CRABP1: variants seen among roughly 807,000 people sequenced by gnomAD.
CRABP1 encodes cellular retinoic acid binding protein 1, also known as cellular retinoic acid-binding protein 1.
CRABP1 carries 9 observed loss-of-function variants against 16.4 expected under a neutral mutation model. The observed-to-expected ratio is 0.55, with a 90% CI of 0.33 to 0.96. The LOEUF is 0.96. Among genes scored for constraint, CRABP1 ranks in the 40% least tolerant of loss-of-function variants. The pLI is 0.03. For missense variants in CRABP1, 157 were observed against 186.0 expected (o/e 0.84, Z 0.91); for synonymous variants, 72 against 70.4 (o/e 1.02, Z -0.11).
At chr15:78,347,542 C>T (rs555701207) in intron 3 of CRABP1, among the ~76,000 whole-genome samples, 2 of 152,264 alleles carry the variant, frequency 1.3e-5, no homozygotes, top group East Asian at 3.9e-4. Context: ...CCTCATGACC[C>T]CAGCTGCCTG....
At position 78,341,345 on chromosome 15, in the gene CRABP1, A is replaced by C; in HGVS notation, c.249+124A>C. 4.5e-6 allele frequency: 5 copies of C among 1,122,098 alleles called. No homozygotes were observed. The highest frequency in any genetic ancestry group is 5.3e-6 in the Non-Finnish European group (4 of 759,192). The allele number at this position is 1,122,098 out of a possible 1,614,324, so 69.5% of individuals were successfully genotyped here. On this transcript the variant is annotated intron_variant, in intron 2 of 3. Coordinates refer to ENST00000299529, the MANE Select transcript of CRABP1 (RefSeq NM_004378.3). This position sits in a 1 kb window ranked among gnomAD's most constrained non-coding sequence, Gnocchi z 5.3. ...CGCGCCTTCCTTGCAGGGTGTGTACACTGGCTGTTTGCAGAGGGGGTTTGT... is the reference window on the plus strand; with the variant it reads ...CGCGCCTTCCTTGCAGGGTGTGTACCCTGGCTGTTTGCAGAGGGGGTTTGT...
chr15:78,341,235 G>A lies in CRABP1; in HGVS notation c.249+14G>A. 4 of 1,601,644 alleles carry A rather than the reference G, an allele frequency of 2.5e-6. No homozygotes were observed. The highest frequency in any genetic ancestry group is 3.4e-6 in the Non-Finnish European group (4 of 1,174,412). On this transcript the variant is annotated intron_variant, in intron 2 of 3. Transcript: ENST00000299529. The surrounding 1 kb of genome is among the most constrained non-coding windows in gnomAD (Gnocchi z 5.3). ...CGCAAGTGCAGGGTGAGGCCCCAGA[G>A]CCACTACAGCGTCCCCGTGTCCCCG... is the stretch of plus-strand genomic sequence containing the variant.
chr15:78,341,155 C>G lies in CRABP1; in HGVS notation c.183C>G (p.Thr61=), dbSNP rs746032934. 2 of 1,612,952 alleles carry G rather than the reference C, an allele frequency of 1.2e-6. No homozygotes were observed. The highest frequency in any genetic ancestry group is 1.1e-5 in the South Asian group (1 of 90,746). The change falls in exon 2 of 4, where the codon ACC becomes ACG. Residue 61 remains threonine, a synonymous_variant. Transcript: ENST00000299529. This position sits in a 1 kb window ranked among gnomAD's most constrained non-coding sequence, Gnocchi z 5.3. ...FYIKTSTTVR[T]TEINFKVGEG... is the part of the protein sequence containing the mutation. The stretch of plus-strand genomic sequence containing the variant: ...TCAAGACATCCACCACGGTGCGCAC[C>G]ACTGAGATCAACTTCAAGGTCGGAG...
Position 78,341,390 on chromosome 15 carries a change from C to T in CRABP1, c.249+169C>T, listed in dbSNP as rs1002578735. Reference sequence around the variant, plus strand: ...GTTTGTGCATCCTAGTTGCCCCTGGCTCAAGACAAAGTATTACCTTCATTC... The same window carrying T: ...GTTTGTGCATCCTAGTTGCCCCTGGTTCAAGACAAAGTATTACCTTCATTC... On this transcript the variant is annotated intron_variant, in intron 2 of 3. Coordinates refer to ENST00000299529, the MANE Select transcript of CRABP1 (RefSeq NM_004378.3). This position sits in a 1 kb window ranked among gnomAD's most constrained non-coding sequence, Gnocchi z 5.3. The T allele has an allele frequency of 2.0e-5, 15 of 741,590 alleles. No individual in the cohort carries two copies. In the African/African-American group the frequency reaches 2.3e-4, roughly 11 times the overall value. 45.9% of individuals were successfully genotyped at this position (741,590 alleles called of 1,614,324 possible).
Position 78,343,590 on chromosome 15 carries a change from T to C in CRABP1, c.341T>C (p.Leu114Pro). 6.2e-7 allele frequency: 1 copy of C among 1,614,164 alleles called. No individual in the cohort carries two copies. Among genetic ancestry groups the C allele is most frequent in the Non-Finnish European group, 8.5e-7 (1 of 1,180,012 alleles). Residue 114 changes from leucine (L) to proline (P), a missense_variant, in exon 3 of 4, where the codon CTG becomes CCG. By Grantham distance (98) the Leu-to-Pro change is moderately conservative. Coordinates refer to ENST00000299529, the MANE Select transcript of CRABP1 (RefSeq NM_004378.3). The part of the protein sequence containing the change: ...DGPKTYWTRE[L>P]ANDELILTFG... ...CCCAAAACCTACTGGACCCGTGAGCTGGCCAACGATGAACTTATCCTGGTA... is the reference window on the plus strand; with the variant it reads ...CCCAAAACCTACTGGACCCGTGAGCCGGCCAACGATGAACTTATCCTGGTA...
chr15:78,343,410 C>A (rs1428322689), intron 2 of CRABP1, 89 bp from the exon 3 acceptor site: 2 of 1,006,066 alleles, frequency 2.0e-6, no homozygotes, highest in Non-Finnish European at 3.1e-6. Context: ...TGATTCTCTG[C>A]AGAGCAATTA....
Position 78,342,688 on chromosome 15 carries a change from C to G in CRABP1, c.250-811C>G, listed in dbSNP as rs145759238. On this transcript the variant is annotated intron_variant, in intron 2 of 3. Transcript: ENST00000299529. ...GGGAAAGTGGCAGCATTTTAACCCTCAGAGCCAAAGACACCGAGGTTTATC... is the reference window on the plus strand; with the variant it reads ...GGGAAAGTGGCAGCATTTTAACCCTGAGAGCCAAAGACACCGAGGTTTATC... 1.6e-4 allele frequency among the ~76,000 whole-genome samples: 24 copies of G among 152,318 alleles called. No individual in the cohort carries two copies. In the East Asian group the frequency reaches 4.6e-3, roughly 29 times the overall value.
chr15:78,344,467 A>C (rs890707137), intron 3 of CRABP1, among the ~76,000 whole-genome samples: 4 of 151,976 alleles, frequency 2.6e-5, no homozygotes, highest in African/African-American at 9.7e-5. Flanking sequence ...AAAAAAAAAA[A>C]AGTATTCAGA....
intron 3 of CRABP1, among the ~76,000 whole-genome samples, chr15:78,346,385 G>A (rs377237666): frequency 1.3e-5 from 2 of 152,178 alleles, no homozygotes; most frequent in Non-Finnish European, 1.5e-5. Context: ...AAAAGCTAGT[G>A]GCTGGGTGCA....
chr15:78,348,000 T>G lies in CRABP1; in HGVS notation c.*23T>G. 6.2e-7 allele frequency: 1 copy of G among 1,612,948 alleles called. No individual in the cohort carries two copies. Among genetic ancestry groups the G allele is most frequent in the Non-Finnish European group, 8.5e-7 (1 of 1,179,170 alleles). ...TGAAGGCAGCTGGCTTGCTCCTACTTTCAGGAAGGGATGCAGGCTCCCCTG... is the reference window on the plus strand; with the variant it reads ...TGAAGGCAGCTGGCTTGCTCCTACTGTCAGGAAGGGATGCAGGCTCCCCTG... On this transcript the variant is annotated 3_prime_UTR_variant, in exon 4 of 4. Transcript: ENST00000299529.
intron 3 of CRABP1, among the ~76,000 whole-genome samples, chr15:78,345,854 T>C (rs1349060933): frequency 6.6e-6 from 1 of 152,198 alleles, no homozygotes; most frequent in Non-Finnish European, 1.5e-5. Context: ...CAAGAGGCAA[T>C]TATTCTAGTT....
At chr15:78,340,688 C>T (rs909857747) in intron 1 of CRABP1, 190 bp downstream of exon 1, 3 of 677,144 alleles carry the variant, frequency 4.4e-6, no homozygotes, top group Non-Finnish European at 4.9e-6. Flanking sequence ...TCCCGGAACC[C>T]ACGCGTTCAG....
At chr15:78,344,461 A>G (rs2050254136) in intron 3 of CRABP1, among the ~76,000 whole-genome samples, 1 of 152,054 alleles carries the variant, frequency 6.6e-6, no homozygotes, top group Non-Finnish European at 1.5e-5. Flanking sequence ...GTCTCTAAAA[A>G]AAAAAAAGTA....
chr15:78,340,519 C>T (rs764507825), intron 1 of CRABP1, 21 bp downstream of exon 1: 12 of 1,598,988 alleles, frequency 7.5e-6, no homozygotes, highest in Admixed American at 1.7e-5. Context: ...GCAGAGGGCG[C>T]GCCCCGACGG....
In CRABP1 at chr15:78,347,990, T is replaced by C. The variant is rs1285424260; in HGVS notation, c.*13T>C. ...TGTCCGAGAGTGAAGGCAGCTGGCT[T>C]GCTCCTACTTTCAGGAAGGGATGCA... On this transcript the variant is annotated 3_prime_UTR_variant, in exon 4 of 4. Transcript: ENST00000299529. The C allele has an allele frequency of 1.2e-6, 2 of 1,613,836 alleles. No individual in the cohort carries two copies. The highest frequency in any genetic ancestry group is 1.7e-6 in the Non-Finnish European group (2 of 1,179,844).
In CRABP1 at chr15:78,341,269, C is replaced by T; in HGVS notation, c.249+48C>T. ...GCGTCCCCGTGTCCCCGCTCGGTGC[C>T]CATGGCCCACTGCTGCTGGAGGAAC... On this transcript the variant is annotated intron_variant, in intron 2 of 3. Transcript: ENST00000299529. The surrounding 1 kb of genome is among the most constrained non-coding windows in gnomAD (Gnocchi z 5.3). 1 of 1,569,762 alleles carries T rather than the reference C, an allele frequency of 6.4e-7. No individual in the cohort carries two copies. The highest frequency in any genetic ancestry group is 8.7e-7 in the Non-Finnish European group (1 of 1,155,354).
intron 2 of CRABP1, among the ~76,000 whole-genome samples, chr15:78,343,124 AT>A (rs2141526837): frequency 6.6e-6 from 1 of 152,252 alleles, no homozygotes; most frequent in South Asian, 2.1e-4. Flanking sequence ...CAAAAAAAAA[AT>A]GAATAAAAAT....
In CRABP1 at chr15:78,343,714, A is replaced by T. The variant is rs1242559949; in HGVS notation, c.363+102A>T. 1.4e-5 allele frequency: 11 copies of T among 778,556 alleles called. No homozygotes were observed. The East Asian group carries it at 2.4e-4, about 17-fold the overall frequency. The allele number at this position is 778,556 out of a possible 1,614,324, so 48.2% of individuals were successfully genotyped here. A position where few individuals can be genotyped will look rare whatever the true frequency, so the allele number is the denominator to read the frequency against. On this transcript the variant is annotated intron_variant, in intron 3 of 3. Coordinates refer to ENST00000299529, the MANE Select transcript of CRABP1 (RefSeq NM_004378.3). Reference sequence around the variant, plus strand: ...TCCTCACTCGGCCGTTCAGAGAAAGACACCATTTGCCCTGGATTAAAATTA... The same window carrying T: ...TCCTCACTCGGCCGTTCAGAGAAAGTCACCATTTGCCCTGGATTAAAATTA...
rs1458077237 is a variant in CRABP1, at chr15:78,341,642, G to GT, written c.249+421_249+422insT. ...CCCGCCGTATCCCCCGCGCCCGCCC[G>GT]GGTCCCTGGGCCGCCTGGGTACGCT... On this transcript the variant is annotated intron_variant, in intron 2 of 3. Transcript: ENST00000299529. The surrounding 1 kb of genome is among the most constrained non-coding windows in gnomAD (Gnocchi z 5.3). 1 of 300,132 alleles carries GT rather than the reference G, an allele frequency of 3.3e-6. No homozygotes were observed. The highest frequency in any genetic ancestry group is 6.5e-6 in the Non-Finnish European group (1 of 152,798). The allele number at this position is 300,132 out of a possible 1,614,324, so 18.6% of individuals were successfully genotyped here. A position where few individuals can be genotyped will look rare whatever the true frequency, so the allele number is the denominator to read the frequency against.
Sources: allele counts gnomAD v4.1 joint callset (sites outside exome capture counted in the v4.1 genomes callset), GRCh38; gene constraint gnomAD v4.1.1; non-coding constraint Gnocchi (gnomAD v3.1); transcripts MANE v1.5; gene names NCBI Gene and HGNC (gene_info 2026-07-23, HGNC 2026-07-21).